The following HMGA2 variants were observed in gnomAD, a reference collection of about 807,000 sequenced individuals.
The protein encoded by HMGA2 is high mobility group protein HMGI-C.
Under a neutral mutation model 19.1 loss-of-function variants are expected in HMGA2, and 8 were observed. That is an observed-to-expected ratio of 0.42 (90% CI 0.25 to 0.76). The LOEUF is 0.76. Among genes scored for constraint, HMGA2 ranks in the 30% least tolerant of loss-of-function variants. The probability of loss-of-function intolerance (pLI) is 0.28; values close to 1 mark genes in which losing one functional copy is unlikely to be tolerated. For missense variants in HMGA2, 109 were observed against 136.3 expected (o/e 0.80, Z 1.00); for synonymous variants, 60 against 48.8 (o/e 1.23, Z -0.96).
At chr12:65,901,537 A>C (rs562961575) in intron 3 of HMGA2, among the ~76,000 whole-genome samples, 11 of 152,350 alleles carry the variant, frequency 7.2e-5, no homozygotes, top group African/African-American at 2.6e-4. Flanking sequence ...TTGGTGATAG[A>C]ATTACAAAAA....
At chr12:65,864,969 C>G (rs1592398957) in intron 3 of HMGA2, among the ~76,000 whole-genome samples, 1 of 152,248 alleles carries the variant, frequency 6.6e-6, no homozygotes, top group Admixed American at 6.5e-5. Flanking sequence ...CCTCTTCCAC[C>G]TCTTCTCCCT....
chr12:65,916,120 A>G (rs1440614464), intron 3 of HMGA2, among the ~76,000 whole-genome samples: 1 of 152,208 alleles, frequency 6.6e-6, no homozygotes, highest in Non-Finnish European at 1.5e-5. Flanking sequence ...AGTCCCCCAC[A>G]GAACAGTAAG....
chr12:65,847,283 A>G (rs1317282403), intron 3 of HMGA2, among the ~76,000 whole-genome samples: 1 of 152,208 alleles, frequency 6.6e-6, no homozygotes, highest in Non-Finnish European at 1.5e-5. Context: ...ATCGTCAGGT[A>G]CAGGCTCCAA....
At chr12:65,946,800 C>G (rs1033053937) in intron 3 of HMGA2, among the ~76,000 whole-genome samples, 2 of 152,162 alleles carry the variant, frequency 1.3e-5, no homozygotes, top group Non-Finnish European at 1.5e-5. Context: ...TCCAAATACT[C>G]TGTGGATTTT....
Position 65,965,002 on chromosome 12 carries a change from A to T in HMGA2, c.*1710A>T, listed in dbSNP as rs922627. ...AAGGAATGAACTTGTTACTTGCAGC[A>T]TTCATTTGTTTTTTCAATGTTTGAA... On this transcript the variant is annotated 3_prime_UTR_variant, in exon 5 of 5. Transcript: ENST00000403681. 3 of 188,804 alleles carry T rather than the reference A, an allele frequency of 1.6e-5. No homozygotes were observed. Among genetic ancestry groups the T allele is most frequent in the Admixed American group, 1.2e-4 (2 of 16,228 alleles). The allele number at this position is 188,804 out of a possible 1,614,324, so 11.7% of individuals were successfully genotyped here. A position where few individuals can be genotyped will look rare whatever the true frequency, so the allele number is the denominator to read the frequency against.
chr12:65,850,046 C>G (rs1871397474), intron 3 of HMGA2, among the ~76,000 whole-genome samples: 1 of 151,952 alleles, frequency 6.6e-6, no homozygotes, highest in East Asian at 1.9e-4. Context: ...ATTGCCCTTC[C>G]TCTATTGGTG....
At chr12:65,926,690 T>C (rs2121254575) in intron 3 of HMGA2, among the ~76,000 whole-genome samples, 1 of 152,338 alleles carries the variant, frequency 6.6e-6, no homozygotes, top group Non-Finnish European at 1.5e-5. Context: ...AATGCTGATT[T>C]GGATGCTGGT....
intron 3 of HMGA2, chr12:65,856,036 T>A (rs1281303429): frequency 6.6e-6 from 1 of 152,192 alleles, no homozygotes; most frequent in African/African-American, 2.4e-5. Context: ...TTTTTGACAA[T>A]CTTGGAAGTG....
At chr12:65,930,191 G>C (rs1451688590) in intron 3 of HMGA2, among the ~76,000 whole-genome samples, 4 of 152,136 alleles carry the variant, frequency 2.6e-5, no homozygotes, top group Non-Finnish European at 5.9e-5. Context: ...CTAGACAGTA[G>C]GAAGTAATCT....
intron 3 of HMGA2, among the ~76,000 whole-genome samples, chr12:65,841,486 ATG>A (rs1472175013): frequency 6.6e-6 from 1 of 152,236 alleles, no homozygotes; most frequent in African/African-American, 2.4e-5. Flanking sequence ...TGGGTAGAGT[ATG>A]CAGCCAGTCA....
intron 3 of HMGA2, chr12:65,873,986 GTTT>G (rs1202453213): frequency 6.6e-6 from 1 of 152,188 alleles, no homozygotes; most frequent in African/African-American, 2.4e-5. Context: ...GTGAGATTTT[GTTT>G]TTTATCTCTC....
At chr12:65,841,507 C>G (rs1209752100) in intron 3 of HMGA2, among the ~76,000 whole-genome samples, 1 of 152,198 alleles carries the variant, frequency 6.6e-6, no homozygotes, top group Non-Finnish European at 1.5e-5. Context: ...CACAGCAAGG[C>G]ATTCCGTTCA....
rs1870149750 is a variant in HMGA2 at position 65,825,889 on chromosome 12, C to T, written c.111+508C>T. The T allele has an allele frequency of 6.6e-6, 1 of 152,020 alleles. No individual in the cohort carries two copies. Among genetic ancestry groups the T allele is most frequent in the South Asian group, 2.1e-4 (1 of 4,816 alleles). The allele number at this position is 152,020 out of a possible 1,614,324, so 9.4% of individuals were successfully genotyped here. A position where few individuals can be genotyped will look rare whatever the true frequency, so the allele number is the denominator to read the frequency against. On this transcript the variant is annotated intron_variant, in intron 1 of 4. Transcript: ENST00000403681. The surrounding 1 kb of genome is among the most constrained non-coding windows in gnomAD (Gnocchi z 4.4). ...GCTCGCGGGTCGGGGGCTGGCGCGC[C>T]GCAGCCGCCCCCTTGGCGCCCTCCT...
intron 3 of HMGA2, among the ~76,000 whole-genome samples, chr12:65,922,116 G>A (rs1243161082): frequency 6.6e-6 from 1 of 152,216 alleles, no homozygotes; most frequent in Admixed American, 6.5e-5. Context: ...GAAATGTGGG[G>A]TTGGAGCCCC....
At chr12:65,888,334 T>A (rs1175250656) in intron 3 of HMGA2, among the ~76,000 whole-genome samples, 1 of 151,356 alleles carries the variant, frequency 6.6e-6, no homozygotes, top group Non-Finnish European at 1.5e-5. Context: ...TGTGCGCCTA[T>A]GATCCCAGCT....
intron 3 of HMGA2, among the ~76,000 whole-genome samples, chr12:65,906,994 C>T (rs1456029359): frequency 1.3e-5 from 2 of 152,126 alleles, no homozygotes; most frequent in African/African-American, 2.4e-5. Flanking sequence ...TACTGATCAC[C>T]TCCAGTGTGC....
At chr12:65,916,287 A>C (rs1029839745) in intron 3 of HMGA2, among the ~76,000 whole-genome samples, 3 of 152,220 alleles carry the variant, frequency 2.0e-5, no homozygotes, top group African/African-American at 7.2e-5. Flanking sequence ...AATATAAAAA[A>C]GTGTGTAAAA....
At chr12:65,904,030 G>A (rs1177847744) in intron 3 of HMGA2, among the ~76,000 whole-genome samples, 2 of 152,236 alleles carry the variant, frequency 1.3e-5, no homozygotes, top group South Asian at 2.1e-4. Flanking sequence ...CAAACACATC[G>A]CGTAGCGATC....
chr12:65,930,000 T>C (rs1849231724), intron 3 of HMGA2, among the ~76,000 whole-genome samples: 1 of 152,042 alleles, frequency 6.6e-6, no homozygotes, highest in Non-Finnish European at 1.5e-5. Context: ...CCATGAAAGA[T>C]AGAAAAAGAT....
Sources: gnomAD v4.1 joint callset for allele counts (sites outside exome capture counted in the v4.1 genomes callset) on GRCh38, gnomAD v4.1.1 for gene constraint, Gnocchi (gnomAD v3.1) non-coding constraint, MANE v1.5 for transcripts, NCBI Gene and HGNC (gene_info 2026-07-23, HGNC 2026-07-21) for gene names.